The following TMTC2 variants were observed in gnomAD, a reference collection of about 807,000 sequenced individuals.
TMTC2 encodes transmembrane O-mannosyltransferase targeting cadherins 2.
In TMTC2, 43 loss-of-function variants were observed where a neutral mutation model predicts 82.4. The ratio of observed to expected loss-of-function variants is 0.52; its 90% CI spans 0.41 to 0.67. The LOEUF (loss-of-function observed/expected upper bound fraction) is 0.67, where lower values mean the gene tolerates loss of function less well. Ranked by LOEUF, TMTC2 falls within the 30% of genes least tolerant of loss-of-function variation. The pLI, the probability that TMTC2 is intolerant of heterozygous loss-of-function variation, is 0.00. For missense variants in TMTC2, 919 were observed against 1,012.4 expected (o/e 0.91, Z 1.25); for synonymous variants, 408 against 381.9 (o/e 1.07, Z -0.80).
intron 1 of TMTC2, among the ~76,000 whole-genome samples, chr12:82,727,652 C>T (rs1022736372): frequency 6.0e-5 from 9 of 150,432 alleles, no homozygotes; most frequent in East Asian, 3.9e-4. Context: ...ACCTGGGAGG[C>T]GGAGGGTGTA....
At chr12:83,027,960 C>T (rs1184210943) in intron 8 of TMTC2, among the ~76,000 whole-genome samples, 1 of 152,104 alleles carries the variant, frequency 6.6e-6, no homozygotes, top group Non-Finnish European at 1.5e-5. Flanking sequence ...TAAGTGGAAG[C>T]TTCTTTTTTA....
At chr12:82,772,319 G>A (rs1877352556) in intron 1 of TMTC2, among the ~76,000 whole-genome samples, 3 of 152,180 alleles carry the variant, frequency 2.0e-5, no homozygotes, top group African/African-American at 7.2e-5. Flanking sequence ...CTTTTAAGCT[G>A]CAGGATCTGG....
intron 2 of TMTC2, among the ~76,000 whole-genome samples, chr12:82,887,797 C>T (rs963395209): frequency 2.0e-5 from 3 of 152,044 alleles, no homozygotes; most frequent in East Asian, 1.9e-4. Flanking sequence ...ATTAGACTTT[C>T]GGCCAGATGT....
At chr12:82,990,379 G>A (rs1403731723) in intron 8 of TMTC2, among the ~76,000 whole-genome samples, 2 of 152,088 alleles carry the variant, frequency 1.3e-5, no homozygotes, top group African/African-American at 4.8e-5. Flanking sequence ...AAGAATTTGT[G>A]TAATATTTAC....
intron 8 of TMTC2, among the ~76,000 whole-genome samples, chr12:83,018,244 G>A (rs989463709): frequency 3.9e-5 from 6 of 152,068 alleles, no homozygotes; most frequent in Non-Finnish European, 8.8e-5. Context: ...CTGCAAAACA[G>A]CTGTTGTTTA....
chr12:83,045,075 AG>A (rs1438580761), intron 9 of TMTC2, among the ~76,000 whole-genome samples: 4 of 152,202 alleles, frequency 2.6e-5, no homozygotes, highest in African/African-American at 9.7e-5. Context: ...TGGTTCAGTG[AG>A]AGAATTGTCC....
intron 4 of TMTC2, among the ~76,000 whole-genome samples, chr12:82,932,713 C>T (rs77503716): frequency 1.5e-3 from 230 of 152,096 alleles, no homozygotes; most frequent in Middle Eastern, 0.01. Context: ...TTTCTGGTTC[C>T]GATCCTTCAT....
intron 3 of TMTC2, among the ~76,000 whole-genome samples, chr12:82,908,276 CT>C (rs1342444668): frequency 6.6e-6 from 1 of 152,136 alleles, no homozygotes; most frequent in African/African-American, 2.4e-5. Context: ...TTACCAGTGT[CT>C]TTGAGGACCT....
intron 3 of TMTC2, among the ~76,000 whole-genome samples, chr12:82,906,782 G>A (rs1460537683): frequency 6.6e-6 from 1 of 152,158 alleles, no homozygotes; most frequent in Non-Finnish European, 1.5e-5. Context: ...AAACTGACTG[G>A]CCTGAGTTGT....
chr12:82,813,818 A>C (rs1273192668), intron 1 of TMTC2, among the ~76,000 whole-genome samples: 1 of 152,092 alleles, frequency 6.6e-6, no homozygotes, highest in Non-Finnish European at 1.5e-5. Context: ...AATTTCAACA[A>C]ATACTTACTG....
intron 9 of TMTC2, among the ~76,000 whole-genome samples, chr12:83,035,282 A>T (rs1422852735): frequency 4.6e-5 from 7 of 152,212 alleles, no homozygotes. Context: ...GTTCGGGGGA[A>T]GAGATTGCAT....
chr12:83,113,341 T>C (rs1884655887), intron 11 of TMTC2, among the ~76,000 whole-genome samples: 1 of 152,222 alleles, frequency 6.6e-6, no homozygotes, highest in African/African-American at 2.4e-5. Flanking sequence ...AGCTGGTCTT[T>C]AAAACCTTGT....
intron 4 of TMTC2, among the ~76,000 whole-genome samples, chr12:82,958,387 A>T (rs1215179541): frequency 6.9e-6 from 1 of 145,830 alleles, no homozygotes; most frequent in African/African-American, 2.6e-5. Context: ...AAACAAAAAA[A>T]CTACTGACCA....
intron 1 of TMTC2, 100 bp downstream of exon 1, chr12:82,687,769 C>T: frequency 8.6e-7 from 1 of 1,166,876 alleles, no homozygotes. Flanking sequence ...CTTGGAGGAA[C>T]TGGTTCAGCA....
intron 8 of TMTC2, among the ~76,000 whole-genome samples, chr12:83,002,305 G>A (rs1386305339): frequency 6.6e-6 from 1 of 152,026 alleles, no homozygotes; most frequent in East Asian, 1.9e-4. Context: ...TGTCATCTTT[G>A]TTATGTCTGA....
chr12:82,876,218 G>A (rs1357934744), intron 2 of TMTC2, among the ~76,000 whole-genome samples: 2 of 148,290 alleles, frequency 1.3e-5, no homozygotes, highest in Admixed American at 1.3e-4. Context: ...CTTCCAGGTG[G>A]ATATGAAGTG....
intron 8 of TMTC2, among the ~76,000 whole-genome samples, chr12:83,023,893 G>C (rs568698325): frequency 6.6e-6 from 1 of 152,314 alleles, no homozygotes; most frequent in African/African-American, 2.4e-5. Flanking sequence ...CAGAAGACCA[G>C]ATATTTATAG....
At chr12:82,844,321 G>C (rs1870510077) in intron 1 of TMTC2, among the ~76,000 whole-genome samples, 2 of 152,198 alleles carry the variant, frequency 1.3e-5, no homozygotes, top group Admixed American at 1.3e-4. Context: ...CATGCGTAAA[G>C]GCAAGTATTT....
intron 1 of TMTC2, among the ~76,000 whole-genome samples, chr12:82,781,599 C>G (rs1320380415): frequency 2.0e-5 from 3 of 151,620 alleles, no homozygotes; most frequent in Non-Finnish European, 4.4e-5. Context: ...TGTTGTTTCT[C>G]CAGGACAGAA....
Sources: gnomAD v4.1 joint callset for allele counts (sites outside exome capture counted in the v4.1 genomes callset) on GRCh38, gnomAD v4.1.1 for gene constraint, MANE v1.5 for transcripts, NCBI Gene and HGNC (gene_info 2026-07-23, HGNC 2026-07-21) for gene names.